Variants in MANBA observed in about 807,000 individuals in gnomAD.
MANBA encodes the protein beta-mannosidase.
MANBA carries 83 observed loss-of-function variants against 111.1 expected under a neutral mutation model. The ratio of observed to expected loss-of-function variants is 0.75; its 90% CI spans 0.63 to 0.90. The LOEUF (loss-of-function observed/expected upper bound fraction) is 0.90. Among genes scored for constraint, MANBA ranks in the 40% least tolerant of loss-of-function variants. The pLI, the probability that MANBA is intolerant of heterozygous loss-of-function variation, is 0.00. For missense variants in MANBA, 1,036 were observed against 1,069.0 expected (o/e 0.97, Z 0.43); for synonymous variants, 370 against 378.7 (o/e 0.98, Z 0.27).
intron 7 of MANBA, among the ~76,000 whole-genome samples, chr4:102,678,215 T>C (rs561194887): frequency 6.6e-6 from 1 of 152,190 alleles, no homozygotes; most frequent in African/African-American, 2.4e-5. Flanking sequence ...CAATAACAAG[T>C]TATGACTGGG....
At chr4:102,657,223 G>GC (rs1730596489) in intron 12 of MANBA, among the ~76,000 whole-genome samples, 1 of 40,364 alleles carries the variant, frequency 2.5e-5, no homozygotes, top group African/African-American at 9.1e-5. Context: ...GGAGTGGGGT[G>GC]GGGGGGGGGT....
At chr4:102,736,459 T>G (rs1723218945) in intron 1 of MANBA, among the ~76,000 whole-genome samples, 1 of 152,208 alleles carries the variant, frequency 6.6e-6, no homozygotes, top group Non-Finnish European at 1.5e-5. Flanking sequence ...CAGAGACTAC[T>G]TAACCAGGTA....
chr4:102,655,623 T>G (rs1258391178), intron 12 of MANBA, among the ~76,000 whole-genome samples: 2 of 152,206 alleles, frequency 1.3e-5, no homozygotes, highest in African/African-American at 4.8e-5. Context: ...CCTGAACTCC[T>G]ACCTTCTACC....
intron 5 of MANBA, among the ~76,000 whole-genome samples, chr4:102,703,597 G>A: frequency 6.6e-6 from 1 of 152,192 alleles, no homozygotes; most frequent in Non-Finnish European, 1.5e-5. Flanking sequence ...ACCTAGATCA[G>A]TGCTTGAGAT....
At chr4:102,737,055 GC>G (rs1377392537) in intron 1 of MANBA, among the ~76,000 whole-genome samples, 1 of 152,162 alleles carries the variant, frequency 6.6e-6, no homozygotes, top group African/African-American at 2.4e-5. Flanking sequence ...ACCGGAAAGA[GC>G]GAGTCCCCAG....
In MANBA at chr4:102,751,393, T is replaced by G. The variant is rs530439852; in HGVS notation, c.177+9325A>C. 3.7e-4 allele frequency: 160 copies of G among 436,126 alleles called. 2 individuals are homozygous for G. The highest frequency in any genetic ancestry group is 1.8e-3 in the African/African-American group (88 of 49,824). 27.0% of individuals were successfully genotyped at this position (436,126 alleles called of 1,614,324 possible). A position where few individuals can be genotyped will look rare whatever the true frequency, so the allele number is the denominator to read the frequency against. On this transcript the variant is annotated intron_variant, in intron 1 of 16. Transcript: ENST00000647097. Reference sequence around the variant, plus strand: ...ACTAACCCAAAAGTCTTGTGTGTACTCCTTGCCTTGGCTCAGCTCCAAACA... The same window carrying G: ...ACTAACCCAAAAGTCTTGTGTGTACGCCTTGCCTTGGCTCAGCTCCAAACA...
intron 5 of MANBA, among the ~76,000 whole-genome samples, chr4:102,691,507 C>A (rs953060866): frequency 6.7e-6 from 1 of 148,240 alleles, no homozygotes; most frequent in African/African-American, 2.5e-5. Flanking sequence ...TCTCTCTTTT[C>A]TTTTTCCTTT....
chr4:102,654,268 A>G (rs1004524408), intron 12 of MANBA, among the ~76,000 whole-genome samples: 2 of 152,150 alleles, frequency 1.3e-5, no homozygotes, highest in African/African-American at 4.8e-5. Flanking sequence ...CTCTGAAACA[A>G]CAGTATTCCC....
intron 4 of MANBA, among the ~76,000 whole-genome samples, chr4:102,717,077 G>A (rs1380759649): frequency 6.6e-6 from 1 of 152,202 alleles, no homozygotes; most frequent in African/African-American, 2.4e-5. Context: ...AAAAGAAGGA[G>A]AGCAAAATAA....
chr4:102,745,460 C>T (rs1001572563), intron 1 of MANBA, among the ~76,000 whole-genome samples: 3 of 152,114 alleles, frequency 2.0e-5, no homozygotes, highest in Non-Finnish European at 2.9e-5. Context: ...AAATCCATTT[C>T]GCAAAGCGTT....
intron 4 of MANBA, among the ~76,000 whole-genome samples, chr4:102,718,966 A>C (rs1474449473): frequency 6.6e-6 from 1 of 152,328 alleles, no homozygotes; most frequent in East Asian, 1.9e-4. Flanking sequence ...AGGCAAGGCA[A>C]AATTAGAATT....
intron 13 of MANBA, 36 bp from the exon 14 acceptor site, chr4:102,639,893 G>T (rs1205375494): frequency 6.2e-7 from 1 of 1,611,406 alleles, no homozygotes; most frequent in Non-Finnish European, 8.5e-7. Context: ...AGGTGTTATT[G>T]TTTGATGTAG....
chr4:102,659,682 A>C (rs1730835044), intron 11 of MANBA, among the ~76,000 whole-genome samples: 1 of 152,002 alleles, frequency 6.6e-6, no homozygotes, highest in Non-Finnish European at 1.5e-5. Context: ...CCTGACATTC[A>C]TTTCCTGATC....
chr4:102,745,461 G>C (rs563097375), intron 1 of MANBA, among the ~76,000 whole-genome samples: 1 of 152,096 alleles, frequency 6.6e-6, no homozygotes, highest in Non-Finnish European at 1.5e-5. Context: ...AATCCATTTC[G>C]CAAAGCGTTG....
chr4:102,650,642 G>A lies in MANBA; in HGVS notation c.1764C>T (p.His588=), dbSNP rs370804078. ...AAAGCATTTGTTTGTTACCACCTTC[G>A]TGATGTTGTCGATGAAGTGAAAACT... ...NSKFSLHRQH[H]EGGNKQMLYQ... The change falls in exon 13 of 17, where the codon CAC becomes CAT. Residue 588 remains histidine (H), a synonymous_variant. Transcript: ENST00000647097. The A allele has an allele frequency of 2.2e-5, 36 of 1,613,232 alleles. No homozygotes were observed. The highest frequency in any genetic ancestry group is 1.1e-4 in the East Asian group (5 of 44,864).
chr4:102,642,282 T>G (rs1430852881), intron 13 of MANBA, among the ~76,000 whole-genome samples: 1 of 152,218 alleles, frequency 6.6e-6, no homozygotes, highest in Admixed American at 6.5e-5. Flanking sequence ...TCCAGTCCAC[T>G]GTTAGCAGAC....
In MANBA at chr4:102,671,404, G is replaced by C. The variant is rs1731491395; in HGVS notation, c.1113-6C>G. On this transcript the variant is annotated splice_polypyrimidine_tract_variant and splice_region_variant and intron_variant, in intron 8 of 16. Coordinates refer to ENST00000647097, the MANE Select transcript of MANBA (RefSeq NM_005908.4). ...ACTGTAAAAGGAGCCGTAACCTGTA[G>C]AAGACATTTTAGAAACAAATCATAA... The C allele has an allele frequency of 3.3e-6, 5 of 1,512,534 alleles. No homozygotes were observed. 93.7% of individuals were successfully genotyped at this position (1,512,534 alleles called of 1,614,324 possible). A position where few individuals can be genotyped will look rare whatever the true frequency, so the allele number is the denominator to read the frequency against.
chr4:102,733,317 C>T (rs1723095851), intron 1 of MANBA, among the ~76,000 whole-genome samples: 1 of 151,672 alleles, frequency 6.6e-6, no homozygotes, highest in African/African-American at 2.4e-5. Context: ...ACTTGAGATT[C>T]CTGTTCACCT....
intron 5 of MANBA, among the ~76,000 whole-genome samples, chr4:102,698,590 C>T (rs1355696897): frequency 1.3e-5 from 2 of 149,890 alleles, no homozygotes; most frequent in Non-Finnish European, 3.0e-5. Context: ...GCCAGTTTTC[C>T]CAGCACCATT....
Sources: allele counts gnomAD v4.1 joint callset (sites outside exome capture counted in the v4.1 genomes callset), GRCh38; gene constraint gnomAD v4.1.1; transcripts MANE v1.5; gene names NCBI Gene and HGNC (gene_info 2026-07-23, HGNC 2026-07-21).